Variants in GRAMD2B observed in about 807,000 individuals in gnomAD.
GRAMD2B encodes the protein GRAM domain containing 2B.
Under a neutral mutation model 59.2 loss-of-function variants are expected in GRAMD2B, and 41 were observed. That is an observed-to-expected ratio of 0.69 (90% CI 0.54 to 0.90). The LOEUF (loss-of-function observed/expected upper bound fraction) is 0.90. Among genes scored for constraint, GRAMD2B ranks in the 40% least tolerant of loss-of-function variants. GRAMD2B has a pLI of 0.00. For missense variants in GRAMD2B, 424 were observed against 500.5 expected, an observed-to-expected ratio of 0.85 and a Z score of 1.46; for synonymous variants, 161 against 182.7, an observed-to-expected ratio of 0.88 and a Z score of 0.96.
intron 2 of GRAMD2B, 87 bp from the exon 3 acceptor site, chr5:126,469,588 TCA>T: frequency 1.2e-6 from 1 of 837,270 alleles, no homozygotes; most frequent in Non-Finnish European, 2.0e-6. Context: ...TGAACCGTGA[TCA>T]TGCTGCTGCA....
intron 1 of GRAMD2B, among the ~76,000 whole-genome samples, chr5:126,446,732 TG>T (rs1031320726): frequency 6.6e-6 from 1 of 151,592 alleles, no homozygotes; most frequent in Non-Finnish European, 1.5e-5. Context: ...GCGAGGAAAC[TG>T]GGGCCCTTAC....
chr5:126,440,230 A>G (rs1334157659), intron 1 of GRAMD2B, among the ~76,000 whole-genome samples: 1 of 152,226 alleles, frequency 6.6e-6, no homozygotes, highest in Non-Finnish European at 1.5e-5. Context: ...TAAAGGGGAA[A>G]ACTTGAATAA....
intron 2 of GRAMD2B, among the ~76,000 whole-genome samples, chr5:126,468,892 TA>T (rs1291654114): frequency 6.6e-6 from 1 of 152,288 alleles, no homozygotes; most frequent in East Asian, 1.9e-4. Flanking sequence ...ACTGCCTTTT[TA>T]AAAAAGTGTT....
rs1774382510 is a variant in GRAMD2B at position 126,494,319 on chromosome 5, C to T, written c.*1363C>T. ...AAAAAGGATTTAAGTTCTTGGGTTACAACGGTTTAAAGGAAAGAAAATGAA... is the reference window on the plus strand; with the variant it reads ...AAAAAGGATTTAAGTTCTTGGGTTATAACGGTTTAAAGGAAAGAAAATGAA... On this transcript the variant is annotated 3_prime_UTR_variant, in exon 14 of 14. Coordinates refer to ENST00000285689, the MANE Select transcript of GRAMD2B (RefSeq NM_023927.4). 1 of 131,410 alleles carries T rather than the reference C, an allele frequency of 7.6e-6. No individual in the cohort carries two copies. 8.1% of individuals were successfully genotyped at this position (131,410 alleles called of 1,614,324 possible). A position where few individuals can be genotyped will look rare whatever the true frequency, so the allele number is the denominator to read the frequency against.
intron 1 of GRAMD2B, among the ~76,000 whole-genome samples, chr5:126,451,329 T>G (rs1765336007): frequency 6.6e-6 from 1 of 152,034 alleles, no homozygotes; most frequent in African/African-American, 2.4e-5. Context: ...AGAAAAGAGG[T>G]TTAATTGGTT....
chr5:126,430,783 C>A (rs964060438), intron 1 of GRAMD2B, among the ~76,000 whole-genome samples: 1 of 152,160 alleles, frequency 6.6e-6, no homozygotes, highest in Non-Finnish European at 1.5e-5. Context: ...TACTTTGTAA[C>A]AATAAACATC....
chr5:126,493,680 A>G lies in GRAMD2B; in HGVS notation c.*724A>G, dbSNP rs1051663441. ...CTGTGAGGCATGTGACTGAAGTACT[A>G]AATTAAACTTATTTTGAAACCAAAC... On this transcript the variant is annotated 3_prime_UTR_variant, in exon 14 of 14. Coordinates refer to ENST00000285689, the MANE Select transcript of GRAMD2B (RefSeq NM_023927.4). 1 of 152,268 alleles carries G rather than the reference A, an allele frequency of 6.6e-6. No homozygotes were observed. Among genetic ancestry groups the G allele is most frequent in the African/African-American group, 2.4e-5 (1 of 41,458 alleles). The allele number at this position is 152,268 out of a possible 1,614,324, so 9.4% of individuals were successfully genotyped here.
At chr5:126,382,012 A>T (rs1755702692) in intron 1 of GRAMD2B, among the ~76,000 whole-genome samples, 2 of 152,160 alleles carry the variant, frequency 1.3e-5, no homozygotes. Context: ...AGGAGGCTAA[A>T]GATAGGACTC....
At chr5:126,432,875 C>G in intron 1 of GRAMD2B, among the ~76,000 whole-genome samples, 1 of 152,138 alleles carries the variant, frequency 6.6e-6, no homozygotes, top group East Asian at 1.9e-4. Flanking sequence ...CACAAAATAT[C>G]AGACCTTGCA....
intron 1 of GRAMD2B, among the ~76,000 whole-genome samples, chr5:126,394,095 A>C (rs1009648028): frequency 4.9e-4 from 74 of 151,762 alleles, no homozygotes; most frequent in African/African-American, 1.7e-3. Flanking sequence ...CAACACGGTG[A>C]AACCCTGTCT....
At position 126,494,091 on chromosome 5, in the gene GRAMD2B, C is replaced by T. The variant is rs1774357837; in HGVS notation, c.*1135C>T. 6.6e-6 allele frequency: 1 copy of T among 152,572 alleles called. No individual in the cohort carries two copies. The highest frequency in any genetic ancestry group is 2.4e-5 in the African/African-American group (1 of 41,430). The allele number at this position is 152,572 out of a possible 1,614,324, so 9.5% of individuals were successfully genotyped here. ...TGGTTACATCGTTTGTATCTGTTGG[C>T]CTAGTGGACAGCTGTGCCTGGTGCA... is the stretch of plus-strand genomic sequence containing the variant. On this transcript the variant is annotated 3_prime_UTR_variant, in exon 14 of 14. Coordinates refer to ENST00000285689, the MANE Select transcript of GRAMD2B (RefSeq NM_023927.4).
At chr5:126,443,925 G>A (rs994679983) in intron 1 of GRAMD2B, among the ~76,000 whole-genome samples, 2 of 152,018 alleles carry the variant, frequency 1.3e-5, no homozygotes, top group Non-Finnish European at 2.9e-5. Context: ...GGTGGTGGGC[G>A]CCTGTAATCC....
chr5:126,477,749 G>A lies in GRAMD2B; in HGVS notation c.544G>A (p.Val182Met). 6.2e-7 allele frequency: 1 copy of A among 1,612,664 alleles called. No homozygotes were observed. The highest frequency in any genetic ancestry group is 8.5e-7 in the Non-Finnish European group (1 of 1,178,754). ...AAAGAAAACCAAAACTGCTCTTCTA[G>A]TGCCAAACGCCCTGATCATAGCAAC... is the stretch of plus-strand genomic sequence containing the variant. ...LIKKTKTALL[V>M]PNALIIATVT... is the part of the protein sequence containing the mutation. The change falls in exon 6 of 14, where the codon GTG (valine) becomes ATG (methionine). Residue 182 changes from valine (V) to methionine (M), a missense_variant. Physicochemically the swap from Val to Met is conservative, Grantham distance 21. Transcript: ENST00000285689.
intron 1 of GRAMD2B, among the ~76,000 whole-genome samples, chr5:126,404,073 T>G (rs542416137): frequency 2.9e-4 from 44 of 152,056 alleles, no homozygotes; most frequent in Admixed American, 9.8e-4. Context: ...CATACCATAC[T>G]TTTGAAAACA....
intron 1 of GRAMD2B, among the ~76,000 whole-genome samples, chr5:126,453,348 G>GA (rs35983190): frequency 0.015 from 1,885 of 128,174 alleles, 55 homozygotes; most frequent in African/African-American, 0.053. Context: ...CATCTTAAAA[G>GA]AAAAAAAAAA....
chr5:126,365,892 T>C (rs935883300), intron 1 of GRAMD2B, among the ~76,000 whole-genome samples: 5 of 152,182 alleles, frequency 3.3e-5, no homozygotes, highest in African/African-American at 1.2e-4. Context: ...TAAACTAGAA[T>C]AGGAACTTGG....
In GRAMD2B at chr5:126,391,726, A is replaced by C. The variant is rs143764703; in HGVS notation, c.125+20159A>C. Among the ~76,000 whole-genome samples, 310 of 152,338 alleles carry C rather than the reference A, an allele frequency of 2.0e-3. 2 individuals carry two copies. Among genetic ancestry groups the C allele is most frequent in the African/African-American group, 7.3e-3 (304 of 41,580 alleles). On this transcript the variant is annotated intron_variant, in intron 1 of 8. Coordinates refer to the GRAMD2B transcript ENST00000506445. ...GCAAATCTATAGTGATGGCAAGTCAATTAGTTCCCAGGGACTGCAGGGAAG... is the reference window on the plus strand; with the variant it reads ...GCAAATCTATAGTGATGGCAAGTCACTTAGTTCCCAGGGACTGCAGGGAAG...
chr5:126,385,418 T>C (rs1262940143), intron 1 of GRAMD2B, among the ~76,000 whole-genome samples: 6 of 152,208 alleles, frequency 3.9e-5, no homozygotes, highest in Admixed American at 3.9e-4. Context: ...TGTAAGTTAA[T>C]TTTAGCTTAA....
At chr5:126,430,709 A>G (rs1286559758) in intron 1 of GRAMD2B, among the ~76,000 whole-genome samples, 1 of 152,236 alleles carries the variant, frequency 6.6e-6, no homozygotes, top group East Asian at 1.9e-4. Flanking sequence ...AAAAGAAAAG[A>G]AAGGGCTTTC....
Sources: allele counts gnomAD v4.1 joint callset (sites outside exome capture counted in the v4.1 genomes callset), GRCh38; gene constraint gnomAD v4.1.1; transcripts MANE v1.5; gene names NCBI Gene and HGNC (gene_info 2026-07-23, HGNC 2026-07-21).